Variants in GRIK4 observed in about 807,000 individuals in gnomAD.
GRIK4 encodes the protein glutamate ionotropic receptor kainate type subunit 4.
A neutral mutation model predicts 104.9 loss-of-function variants in GRIK4; 40 were observed. The observed-to-expected ratio is 0.38, with a 90% CI of 0.30 to 0.50. The LOEUF is 0.50. GRIK4 is among the 20% of genes least tolerant of loss of function. The pLI is 0.93. For synonymous variants in GRIK4, 485 were observed against 524.9 expected, an observed-to-expected ratio of 0.92 and a Z score of 1.04; for missense variants, 1,047 against 1,308.1, an observed-to-expected ratio of 0.80 and a Z score of 3.08.
At chr11:120,665,967 T>C (rs549216470) in intron 3 of GRIK4, among the ~76,000 whole-genome samples, 2 of 152,286 alleles carry the variant, frequency 1.3e-5, no homozygotes, top group South Asian at 4.2e-4. Flanking sequence ...CAAAACCCAT[T>C]GTGCACTGTA....
intron 8 of GRIK4, among the ~76,000 whole-genome samples, chr11:120,856,974 G>A (rs1338899325): frequency 1.3e-5 from 2 of 152,114 alleles, no homozygotes; most frequent in African/African-American, 4.8e-5. Flanking sequence ...TGCCCACAAG[G>A]TCTGCCCAAC....
chr11:120,518,607 C>T (rs74854257), intron 1 of GRIK4, among the ~76,000 whole-genome samples: 1,655 of 152,192 alleles, frequency 0.011, 46 homozygotes, highest in East Asian at 0.061. Flanking sequence ...CCAGGCTTCC[C>T]AGCCTGTGTC....
chr11:120,967,178 T>A lies in GRIK4; in HGVS notation c.2267-17T>A, dbSNP rs1168879858. ...CATTCACAACCTGTGTCCTGGGCTC[T>A]CCCGTAACCCCCGCAGGCTCGGTTT... is the stretch of plus-strand genomic sequence containing the variant. On this transcript the variant is annotated splice_polypyrimidine_tract_variant and intron_variant, in intron 18 of 20. Transcript: ENST00000527524. The surrounding 1 kb of genome is among the most constrained non-coding windows in gnomAD (Gnocchi z 4.2). 1.9e-6 allele frequency: 3 copies of A among 1,607,952 alleles called. No homozygotes were observed. The Admixed American group carries it at 5.0e-5, about 27-fold the overall frequency.
intron 3 of GRIK4, among the ~76,000 whole-genome samples, chr11:120,736,131 GGCTCTTTA>G (rs1044896200): frequency 6.6e-6 from 1 of 152,022 alleles, no homozygotes; most frequent in Non-Finnish European, 1.5e-5. Flanking sequence ...AGGGCCCAAG[GGCTCTTTA>G]GTCAGCAGGT....
intron 3 of GRIK4, among the ~76,000 whole-genome samples, chr11:120,784,321 G>A (rs1952220924): frequency 1.3e-5 from 2 of 152,146 alleles, no homozygotes; most frequent in Middle Eastern, 6.3e-3. Context: ...CTTGTGCTTT[G>A]ATCTCCTGGG....
chr11:120,763,005 T>C (rs748761922), intron 3 of GRIK4, among the ~76,000 whole-genome samples: 9 of 152,208 alleles, frequency 5.9e-5, no homozygotes, highest in Admixed American at 4.6e-4. Context: ...TTTGGAATAA[T>C]TTCAGAAGGA....
chr11:120,652,004 C>T (rs1332722176), intron 1 of GRIK4, among the ~76,000 whole-genome samples: 4 of 152,088 alleles, frequency 2.6e-5, no homozygotes, highest in Non-Finnish European at 4.4e-5. Flanking sequence ...AACAAGTTCC[C>T]GGAGCCAACG....
chr11:120,751,523 G>A (rs1424851521), intron 3 of GRIK4, among the ~76,000 whole-genome samples: 2 of 152,116 alleles, frequency 1.3e-5, no homozygotes, highest in Non-Finnish European at 2.9e-5. Context: ...TGCTTTGTTG[G>A]GTTCTGCATA....
intron 1 of GRIK4, among the ~76,000 whole-genome samples, chr11:120,596,811 G>A (rs980963982): frequency 6.6e-6 from 1 of 151,854 alleles, no homozygotes; most frequent in Non-Finnish European, 1.5e-5. Flanking sequence ...TGCAACCTCC[G>A]CCTCCTGGGT....
chr11:120,643,911 T>C (rs1258899731), intron 1 of GRIK4, among the ~76,000 whole-genome samples: 3 of 152,150 alleles, frequency 2.0e-5, no homozygotes, highest in Non-Finnish European at 4.4e-5. Flanking sequence ...AGTATAATAG[T>C]CCCTGAGCTG....
intron 13 of GRIK4, among the ~76,000 whole-genome samples, chr11:120,938,898 G>C (rs866136232): frequency 6.6e-6 from 1 of 152,194 alleles, no homozygotes; most frequent in African/African-American, 2.4e-5. Flanking sequence ...GGAAGTCTGG[G>C]ATGAGACTCA....
intron 11 of GRIK4, among the ~76,000 whole-genome samples, chr11:120,889,567 G>C (rs1184095905): frequency 8.2e-6 from 1 of 122,682 alleles, no homozygotes; most frequent in African/African-American, 3.0e-5. Context: ...ATCTGAAATA[G>C]AATAAAATAG....
rs375520874 is a variant in GRIK4 at position 120,606,685 on chromosome 11, G to A, written c.-158-47000G>A. On this transcript the variant is annotated intron_variant, in intron 1 of 20. Transcript: ENST00000527524. ...GCAGGTGTTGGGGGAGAAGTGTGTC[G>A]TTAGGAGCTGTGAGCATGGAGAGGA... is the stretch of plus-strand genomic sequence containing the variant. Among the ~76,000 whole-genome samples, 9 of 152,346 alleles carry A rather than the reference G, an allele frequency of 5.9e-5. 1 individual carries two copies. Among genetic ancestry groups the A allele is most frequent in the African/African-American group, 1.7e-4 (7 of 41,580 alleles).
intron 1 of GRIK4, among the ~76,000 whole-genome samples, chr11:120,643,829 G>A (rs1450225351): frequency 2.0e-5 from 3 of 152,118 alleles, no homozygotes; most frequent in African/African-American, 7.2e-5. Flanking sequence ...TAGTTCTAGT[G>A]CATCCCTTAC....
At chr11:120,713,254 C>T (rs926774385) in intron 3 of GRIK4, among the ~76,000 whole-genome samples, 4 of 152,302 alleles carry the variant, frequency 2.6e-5, no homozygotes, top group South Asian at 2.1e-4. Flanking sequence ...TTTCTCTCAG[C>T]GTTCTATTCT....
At chr11:120,985,260 G>A (rs1422513176) in intron 20 of GRIK4, among the ~76,000 whole-genome samples, 2 of 152,208 alleles carry the variant, frequency 1.3e-5, no homozygotes, top group Middle Eastern at 3.4e-3. Context: ...TATCTCACAC[G>A]GTGTGAGATG....
At chr11:120,687,099 T>C (rs1025111114) in intron 3 of GRIK4, among the ~76,000 whole-genome samples, 1 of 152,246 alleles carries the variant, frequency 6.6e-6, no homozygotes, top group Non-Finnish European at 1.5e-5. Context: ...TGATTAGTAA[T>C]TTATAAAGAG....
chr11:120,517,652 A>G (rs1165567986), intron 1 of GRIK4, among the ~76,000 whole-genome samples: 2 of 128,658 alleles, frequency 1.6e-5, no homozygotes, highest in African/African-American at 3.3e-5. Flanking sequence ...TGGGAAATAG[A>G]AGGCCGGGCT....
At chr11:120,620,046 G>A (rs1341811805) in intron 1 of GRIK4, 9 of 631,972 alleles carry the variant, frequency 1.4e-5, no homozygotes, top group Non-Finnish European at 2.6e-5. Flanking sequence ...TAAAATACGT[G>A]CATACTTTTG....
Sources: gnomAD v4.1 joint callset for allele counts (sites outside exome capture counted in the v4.1 genomes callset) on GRCh38, gnomAD v4.1.1 for gene constraint, Gnocchi (gnomAD v3.1) non-coding constraint, MANE v1.5 for transcripts, NCBI Gene and HGNC (gene_info 2026-07-23, HGNC 2026-07-21) for gene names.